Variants in DCC observed in about 807,000 individuals in gnomAD.
The protein encoded by DCC is DCC netrin 1 receptor.
A neutral mutation model predicts 172.5 loss-of-function variants in DCC; 58 were observed. The observed-to-expected ratio is 0.34, with a 90% CI of 0.27 to 0.42. The LOEUF (loss-of-function observed/expected upper bound fraction) is 0.42. DCC is among the 10% of genes least tolerant of loss of function. DCC has a pLI of 1.00. For missense variants in DCC, 1,740 were observed against 1,791.0 expected, an observed-to-expected ratio of 0.97 and a Z score of 0.51; for synonymous variants, 709 against 644.5, an observed-to-expected ratio of 1.10 and a Z score of -1.52.
At position 53,056,766 on chromosome 18, in the gene DCC, A is replaced by C. The variant is rs2042410128; in HGVS notation, c.986-6539A>C. Among the ~76,000 whole-genome samples, 4 of 152,144 alleles carry C rather than the reference A, an allele frequency of 2.6e-5. No homozygotes were observed. The South Asian group carries it at 8.3e-4, about 32-fold the overall frequency. Reference sequence around the variant, plus strand: ...CTCAGGGCAGAATCACAGCCACTCAAAGATTATGGTTATTTTTTTTTCTCC... The same window carrying C: ...CTCAGGGCAGAATCACAGCCACTCACAGATTATGGTTATTTTTTTTTCTCC... On this transcript the variant is annotated intron_variant, in intron 5 of 28. Transcript: ENST00000442544.
intron 15 of DCC, among the ~76,000 whole-genome samples, chr18:53,364,121 T>C (rs1454488933): frequency 6.6e-6 from 1 of 152,108 alleles, no homozygotes; most frequent in Non-Finnish European, 1.5e-5. Flanking sequence ...TATGGTTGAA[T>C]AGAAAGAGCC....
At chr18:53,225,970 G>A (rs1422943175) in intron 12 of DCC, among the ~76,000 whole-genome samples, 1 of 152,164 alleles carries the variant, frequency 6.6e-6, no homozygotes, top group African/African-American at 2.4e-5. Flanking sequence ...AAAAAAATGG[G>A]CATGGGGCAG....
chr18:52,439,282 G>A (rs1159006241), intron 1 of DCC, among the ~76,000 whole-genome samples: 1 of 151,442 alleles, frequency 6.6e-6, no homozygotes, highest in Admixed American at 6.6e-5. Flanking sequence ...AGTATAGGTT[G>A]AGAGTACACA....
At chr18:53,101,865 T>C (rs942325049) in intron 7 of DCC, among the ~76,000 whole-genome samples, 1 of 151,440 alleles carries the variant, frequency 6.6e-6, no homozygotes, top group Admixed American at 6.6e-5. Flanking sequence ...GTGTTGACAT[T>C]GATTTCTCTC....
intron 9 of DCC, among the ~76,000 whole-genome samples, chr18:53,186,071 A>C (rs2055277893): frequency 1.3e-5 from 2 of 152,190 alleles, no homozygotes; most frequent in Admixed American, 6.5e-5. Flanking sequence ...AATTTCCCTA[A>C]GAAGCTTCTG....
At chr18:53,072,432 C>A (rs1286054886) in intron 7 of DCC, among the ~76,000 whole-genome samples, 1 of 152,166 alleles carries the variant, frequency 6.6e-6, no homozygotes, top group Non-Finnish European at 1.5e-5. Flanking sequence ...CTCTGAGTTT[C>A]TTATCCTGGT....
At chr18:53,179,536 C>T (rs538199397) in intron 9 of DCC, among the ~76,000 whole-genome samples, 2 of 152,248 alleles carry the variant, frequency 1.3e-5, no homozygotes, top group East Asian at 1.9e-4. Context: ...AATTTAAAAG[C>T]TTGAACACGC....
intron 8 of DCC, among the ~76,000 whole-genome samples, chr18:53,162,586 T>A (rs2144412991): frequency 6.6e-6 from 1 of 152,312 alleles, no homozygotes; most frequent in Non-Finnish European, 1.5e-5. Context: ...ACTTTCCTTA[T>A]GTTTCCTAAA....
rs1431924746 is a variant in DCC, at chr18:52,751,981, GAA to G, written c.92-70_92-69del. 3 of 1,308,692 alleles carry G rather than the reference GAA, an allele frequency of 2.3e-6. No homozygotes were observed. The African/African-American group carries it at 4.4e-5, about 19-fold the overall frequency. 81.1% of individuals were successfully genotyped at this position (1,308,692 alleles called of 1,614,324 possible). A position where few individuals can be genotyped will look rare whatever the true frequency, so the allele number is the denominator to read the frequency against. Reference sequence around the variant, plus strand: ...CAGCTTTTGTGAAAAGCTTTGTAAAGAAAAGACAGGGAATCTAAGCCTGAGAT... The same window carrying G: ...CAGCTTTTGTGAAAAGCTTTGTAAAGAAGACAGGGAATCTAAGCCTGAGAT... On this transcript the variant is annotated intron_variant, in intron 1 of 28. Transcript: ENST00000442544.
intron 1 of DCC, chr18:52,419,653 T>C (rs1298187664): frequency 1.5e-5 from 2 of 132,490 alleles, no homozygotes; most frequent in Non-Finnish European, 3.7e-5. Flanking sequence ...GCATTTGTCA[T>C]TTTTTCAGTG....
At chr18:53,115,861 CT>C (rs2043401196) in intron 7 of DCC, among the ~76,000 whole-genome samples, 1 of 151,440 alleles carries the variant, frequency 6.6e-6, no homozygotes, top group African/African-American at 2.4e-5. Flanking sequence ...GAATATTTTT[CT>C]TACTATACTG....
intron 8 of DCC, among the ~76,000 whole-genome samples, chr18:53,170,398 A>G (rs1016845657): frequency 1.3e-4 from 20 of 152,266 alleles, no homozygotes; most frequent in African/African-American, 4.8e-4. Flanking sequence ...TTTGCAAAGA[A>G]AATTAATATG....
intron 2 of DCC, among the ~76,000 whole-genome samples, chr18:52,847,324 A>T (rs1412822680): frequency 6.6e-6 from 1 of 152,188 alleles, no homozygotes; most frequent in African/African-American, 2.4e-5. Context: ...AGCATCAGCC[A>T]TTGTGTTGGA....
intron 3 of DCC, among the ~76,000 whole-genome samples, chr18:52,917,124 AAAAAAAAGAAAAC>A (rs2040052928): frequency 1.4e-5 from 2 of 147,598 alleles, no homozygotes; most frequent in Non-Finnish European, 3.0e-5. Context: ...CTCAAAAAAA[AAAAAAAAGAAAAC>A]AAAAAAAAAA....
chr18:53,385,469 T>C (rs1438921606), intron 15 of DCC, among the ~76,000 whole-genome samples: 1 of 152,188 alleles, frequency 6.6e-6, no homozygotes, highest in Non-Finnish European at 1.5e-5. Context: ...CTGGACTTTC[T>C]CTCCCCTTCA....
At chr18:53,090,478 G>A (rs1411829594) in intron 7 of DCC, among the ~76,000 whole-genome samples, 1 of 151,508 alleles carries the variant, frequency 6.6e-6, no homozygotes, top group Non-Finnish European at 1.5e-5. Flanking sequence ...CGGATCACGA[G>A]GTCAGGAGAT....
At chr18:52,467,372 G>A (rs1165530786) in intron 1 of DCC, among the ~76,000 whole-genome samples, 5 of 144,456 alleles carry the variant, frequency 3.5e-5, no homozygotes, top group South Asian at 2.2e-4. Flanking sequence ...CAAAGGACAC[G>A]AACTCATCCT....
At chr18:53,067,054 C>G (rs1468856056) in intron 7 of DCC, among the ~76,000 whole-genome samples, 2 of 152,144 alleles carry the variant, frequency 1.3e-5, no homozygotes, top group African/African-American at 4.8e-5. Flanking sequence ...CACCCCCAAC[C>G]AGGCCCCACC....
At chr18:52,706,305 G>A (rs1057034243) in intron 1 of DCC, among the ~76,000 whole-genome samples, 2 of 152,222 alleles carry the variant, frequency 1.3e-5, no homozygotes, top group Non-Finnish European at 2.9e-5. Flanking sequence ...GATAACAGCT[G>A]TGGGTTGACA....
Sources: gnomAD v4.1 joint callset for allele counts (sites outside exome capture counted in the v4.1 genomes callset) on GRCh38, gnomAD v4.1.1 for gene constraint, MANE v1.5 for transcripts, NCBI Gene and HGNC (gene_info 2026-07-23, HGNC 2026-07-21) for gene names.